Variants in SORCS2 observed in about 807,000 individuals in gnomAD.
The protein encoded by SORCS2 is VPS10 domain-containing receptor SorCS2.
Under a neutral mutation model 141.6 loss-of-function variants are expected in SORCS2, and 100 were observed. The observed-to-expected ratio is 0.71, with a 90% CI of 0.60 to 0.83. The LOEUF (loss-of-function observed/expected upper bound fraction) is 0.83, where lower values mean the gene tolerates loss of function less well. SORCS2 is among the 40% of genes least tolerant of loss of function. SORCS2 has a pLI of 0.00. For missense variants in SORCS2, 1,646 were observed against 1,560.2 expected (o/e 1.05, Z -0.93); for synonymous variants, 789 against 676.9 (o/e 1.17, Z -2.57).
chr4:7,496,786 T>C (rs1731658391), intron 2 of SORCS2, among the ~76,000 whole-genome samples: 1 of 152,010 alleles, frequency 6.6e-6, no homozygotes, highest in South Asian at 2.1e-4. Flanking sequence ...AGGCGGGAGA[T>C]GACAAAACAA....
intron 2 of SORCS2, among the ~76,000 whole-genome samples, chr4:7,437,897 C>G (rs953617432): frequency 6.6e-5 from 10 of 152,200 alleles, no homozygotes; most frequent in South Asian, 2.1e-4. Context: ...ACCTACCTGT[C>G]TGTCCACACA....
intron 3 of SORCS2, among the ~76,000 whole-genome samples, chr4:7,636,111 T>A (rs532265138): frequency 2.6e-5 from 4 of 152,344 alleles, no homozygotes; most frequent in African/African-American, 9.6e-5. Context: ...TCAGCAGGGC[T>A]GGTCCTATCC....
At chr4:7,528,526 A>G (rs1472596451) in intron 2 of SORCS2, among the ~76,000 whole-genome samples, 2 of 152,110 alleles carry the variant, frequency 1.3e-5, no homozygotes, top group East Asian at 1.9e-4. Context: ...CCTGGGTTCA[A>G]GAGATTCTCG....
At chr4:7,518,108 A>G (rs1333830838) in intron 2 of SORCS2, among the ~76,000 whole-genome samples, 1 of 152,192 alleles carries the variant, frequency 6.6e-6, no homozygotes, top group Non-Finnish European at 1.5e-5. Flanking sequence ...GACCTGGTGG[A>G]TGGTTAAGGT....
At chr4:7,212,478 C>T (rs1424964359) in intron 1 of SORCS2, among the ~76,000 whole-genome samples, 1 of 152,246 alleles carries the variant, frequency 6.6e-6, no homozygotes, top group Non-Finnish European at 1.5e-5. Flanking sequence ...GGGCTGGCTT[C>T]AGGCATGACT....
rs1171408398 is a variant in SORCS2, at chr4:7,380,454, C to T, written c.481-15834C>T. Among the ~76,000 whole-genome samples the T allele has an allele frequency of 3.1e-5, 4 of 130,626 alleles. No homozygotes were observed. In the East Asian group the frequency reaches 7.8e-4, roughly 26 times the overall value. 85.7% of individuals were successfully genotyped at this position (130,626 alleles called of 152,430 possible). A position where few individuals can be genotyped will look rare whatever the true frequency, so the allele number is the denominator to read the frequency against. On this transcript the variant is annotated intron_variant, in intron 1 of 26. Coordinates refer to ENST00000507866, the MANE Select transcript of SORCS2 (RefSeq NM_020777.3). ...CTATTACTGGGGACTGGTGAGGAAGCTGGTGTTGGAGATTCTGAATTCAAA... is the reference window on the plus strand; with the variant it reads ...CTATTACTGGGGACTGGTGAGGAAGTTGGTGTTGGAGATTCTGAATTCAAA...
chr4:7,468,557 T>A (rs1444747332), intron 2 of SORCS2, among the ~76,000 whole-genome samples: 2 of 152,216 alleles, frequency 1.3e-5, no homozygotes, highest in African/African-American at 4.8e-5. Flanking sequence ...TGGGGGCACT[T>A]GGAAAGGTTT....
In SORCS2 at chr4:7,697,306, C is replaced by G. The variant is rs543338835; in HGVS notation, c.1668+32C>G. The G allele has an allele frequency of 9.1e-6, 14 of 1,540,176 alleles. No individual in the cohort carries two copies. The South Asian group carries it at 1.3e-4, about 14-fold the overall frequency. Reference sequence around the variant, plus strand: ...TGGCTGGGAGGTGCCTGGTACCCCCCACCCCATCCAGCCGGGACCCTCAGG... The same window carrying G: ...TGGCTGGGAGGTGCCTGGTACCCCCGACCCCATCCAGCCGGGACCCTCAGG... On this transcript the variant is annotated intron_variant, in intron 12 of 26. Coordinates refer to ENST00000507866, the MANE Select transcript of SORCS2 (RefSeq NM_020777.3).
In SORCS2 at chr4:7,192,973, C is replaced by A; in HGVS notation, c.327C>A (p.Ala109=). ...GPAPGPGEDG[A]PAAGYRRWER... The stretch of plus-strand genomic sequence containing the variant: ...CTCCTGGTCCCGGCGAGGACGGCGC[C>A]CCCGCCGCGGGCTACCGGCGCTGGG... The change falls in exon 1 of 27, where the codon GCC becomes GCA. Residue 109 remains alanine, a synonymous_variant. Transcript: ENST00000507866. This position sits in a 1 kb window ranked among gnomAD's most constrained non-coding sequence, Gnocchi z 4.0. 7.2e-7 allele frequency: 1 copy of A among 1,386,656 alleles called. No homozygotes were observed. Among genetic ancestry groups the A allele is most frequent in the Non-Finnish European group, 9.3e-7 (1 of 1,079,720 alleles). The allele number at this position is 1,386,656 out of a possible 1,614,324, so 85.9% of individuals were successfully genotyped here. A position where few individuals can be genotyped will look rare whatever the true frequency, so the allele number is the denominator to read the frequency against.
intron 3 of SORCS2, among the ~76,000 whole-genome samples, chr4:7,602,782 C>G (rs1251873558): frequency 6.6e-6 from 1 of 152,186 alleles, no homozygotes; most frequent in Non-Finnish European, 1.5e-5. Flanking sequence ...GCTGCAATCT[C>G]GGCACTTTGG....
At chr4:7,398,695 T>C (rs1360414608) in intron 2 of SORCS2, among the ~76,000 whole-genome samples, 1 of 152,222 alleles carries the variant, frequency 6.6e-6, no homozygotes, top group Non-Finnish European at 1.5e-5. Context: ...ATTTTTAAAA[T>C]ATGTTTCTAG....
chr4:7,390,601 G>C (rs1181607064), intron 1 of SORCS2, among the ~76,000 whole-genome samples: 1 of 152,174 alleles, frequency 6.6e-6, no homozygotes, highest in Non-Finnish European at 1.5e-5. Context: ...CGGGGCCATT[G>C]CCGTGCTGCT....
intron 2 of SORCS2, among the ~76,000 whole-genome samples, chr4:7,412,563 T>C (rs573211646): frequency 3.7e-4 from 57 of 152,196 alleles, no homozygotes; most frequent in African/African-American, 1.3e-3. Context: ...ATGGGGAGCC[T>C]GAAATGTCGG....
chr4:7,602,785 C>A (rs1249413808), intron 3 of SORCS2, among the ~76,000 whole-genome samples: 1 of 152,188 alleles, frequency 6.6e-6, no homozygotes, highest in African/African-American at 2.4e-5. Context: ...GCAATCTCGG[C>A]ACTTTGGGAG....
At chr4:7,221,026 T>G (rs1435827274) in intron 1 of SORCS2, among the ~76,000 whole-genome samples, 5 of 152,236 alleles carry the variant, frequency 3.3e-5, no homozygotes, top group African/African-American at 4.8e-5. Flanking sequence ...TGCTGTTTAA[T>G]AAATCATAAT....
At chr4:7,572,455 C>G (rs1440364351) in intron 3 of SORCS2, among the ~76,000 whole-genome samples, 1 of 152,140 alleles carries the variant, frequency 6.6e-6, no homozygotes, top group East Asian at 1.9e-4. Context: ...GGAATTTAAA[C>G]TGTAATATTA....
intron 1 of SORCS2, among the ~76,000 whole-genome samples, chr4:7,337,379 C>T (rs1488846869): frequency 6.6e-6 from 1 of 152,158 alleles, no homozygotes; most frequent in Non-Finnish European, 1.5e-5. Flanking sequence ...GGTCAGGCTT[C>T]ATGCCGGGAG....
At chr4:7,275,564 G>A (rs1174906297) in intron 1 of SORCS2, among the ~76,000 whole-genome samples, 3 of 152,164 alleles carry the variant, frequency 2.0e-5, no homozygotes, top group African/African-American at 4.8e-5. Flanking sequence ...GGTGCAGTTT[G>A]CAGATCTCCT....
chr4:7,604,578 C>G (rs867515525), intron 3 of SORCS2, among the ~76,000 whole-genome samples: 2 of 152,342 alleles, frequency 1.3e-5, no homozygotes, highest in Middle Eastern at 6.8e-3. Context: ...GGATTACAGG[C>G]ATGAGCCGCC....
Sources: allele counts gnomAD v4.1 joint callset (sites outside exome capture counted in the v4.1 genomes callset), GRCh38; gene constraint gnomAD v4.1.1; non-coding constraint Gnocchi (gnomAD v3.1); transcripts MANE v1.5; gene names NCBI Gene and HGNC (gene_info 2026-07-23, HGNC 2026-07-21).